Variants in ARB2A observed in about 807,000 individuals in gnomAD.
ARB2A encodes cotranscriptional regulator ARB2A.
chr5:93,898,609 C>T, the ARB2A span, among the ~76,000 whole-genome samples: 3 of 152,026 alleles, frequency 2.0e-5, no homozygotes, highest in African/African-American at 7.2e-5. Context: ...TCGAAATCAA[C>T]CAAATTGCTA....
chr5:93,653,424 A>G, the ARB2A span, among the ~76,000 whole-genome samples: 2 of 141,344 alleles, frequency 1.4e-5, no homozygotes, highest in African/African-American at 5.2e-5. Flanking sequence ...AGGCAGGAGA[A>G]TGGCATGAAC....
chr5:94,075,986 A>G, the ARB2A span, among the ~76,000 whole-genome samples: 1 of 152,152 alleles, frequency 6.6e-6, no homozygotes, highest in African/African-American at 2.4e-5. Context: ...AATGATAATC[A>G]TGTTTCCCTC....
chr5:93,683,812 G>T, the ARB2A span: 1 of 992,862 alleles, frequency 1.0e-6, no homozygotes, highest in Non-Finnish European at 1.5e-6. Context: ...ATCACACCAG[G>T]CAAAAAGTTT....
At chr5:94,065,617 TAA>T in the ARB2A span, among the ~76,000 whole-genome samples, 2 of 151,904 alleles carry the variant, frequency 1.3e-5, no homozygotes, top group Non-Finnish European at 2.9e-5. Context: ...TCAAAAGCAG[TAA>T]AAAGAGACTA....
chr5:93,883,369 C>T, the ARB2A span, among the ~76,000 whole-genome samples: 4 of 151,156 alleles, frequency 2.6e-5, no homozygotes, highest in East Asian at 7.8e-4. Flanking sequence ...AAACACTTTA[C>T]ACATTCTGTA....
At chr5:93,906,743 C>G in the ARB2A span, among the ~76,000 whole-genome samples, 3 of 151,290 alleles carry the variant, frequency 2.0e-5, no homozygotes, top group Non-Finnish European at 3.0e-5. Context: ...AATCTGGTAC[C>G]CTACTTTCTG....
chr5:93,721,263 T>G, the ARB2A span, among the ~76,000 whole-genome samples: 1 of 152,092 alleles, frequency 6.6e-6, no homozygotes, highest in Non-Finnish European at 1.5e-5. Context: ...AAACCATAAG[T>G]GTTACAGGCT....
chr5:93,863,076 T>TC, the ARB2A span: 1 of 152,016 alleles, frequency 6.6e-6, no homozygotes, highest in Non-Finnish European at 1.5e-5. Flanking sequence ...GCCCCTTGCC[T>TC]CGTGGGCTCT....
chr5:93,977,209 C>G, the ARB2A span, among the ~76,000 whole-genome samples: 1 of 151,848 alleles, frequency 6.6e-6, no homozygotes, highest in Non-Finnish European at 1.5e-5. Flanking sequence ...ATATTCCTAT[C>G]AAATTACCAA....
the ARB2A span, among the ~76,000 whole-genome samples, chr5:93,672,498 C>T: frequency 2.0e-5 from 3 of 151,864 alleles, no homozygotes; most frequent in East Asian, 5.8e-4. Flanking sequence ...TTAGTAGAGA[C>T]GGGGTTTCAC....
At chr5:94,050,459 T>C in the ARB2A span, among the ~76,000 whole-genome samples, 1 of 152,004 alleles carries the variant, frequency 6.6e-6, no homozygotes, top group Non-Finnish European at 1.5e-5. Flanking sequence ...TTCACCATGT[T>C]AGCCAGGCTG....
chr5:93,755,361 G>A, the ARB2A span, among the ~76,000 whole-genome samples: 1 of 152,206 alleles, frequency 6.6e-6, no homozygotes, highest in Non-Finnish European at 1.5e-5. Context: ...GTGAGAATTG[G>A]TCTTTAGAGG....
the ARB2A span, among the ~76,000 whole-genome samples, chr5:93,937,950 A>C: frequency 6.6e-6 from 1 of 152,204 alleles, no homozygotes; most frequent in Non-Finnish European, 1.5e-5. Flanking sequence ...TCATTTAAAA[A>C]AATTTTTTTT....
At chr5:93,712,866 C>A in the ARB2A span, among the ~76,000 whole-genome samples, 5 of 151,982 alleles carry the variant, frequency 3.3e-5, no homozygotes, top group African/African-American at 9.7e-5. Flanking sequence ...ACACATAGAC[C>A]AATGGAACAG....
At chr5:93,683,726 G>A in the ARB2A span, 1 of 1,609,530 alleles carries the variant, frequency 6.2e-7, no homozygotes, top group South Asian at 1.1e-5. Context: ...ATCGGGTGGC[G>A]GCACGCACTT....
At chr5:93,777,417 C>T in the ARB2A span, among the ~76,000 whole-genome samples, 605 of 152,040 alleles carry the variant, frequency 4.0e-3, 6 homozygotes, top group Non-Finnish European at 5.1e-3. Flanking sequence ...TGTAAGGTAA[C>T]GATTTACAAT....
At chr5:93,658,973 T>C in the ARB2A span, among the ~76,000 whole-genome samples, 1 of 150,448 alleles carries the variant, frequency 6.6e-6, no homozygotes, top group Admixed American at 6.6e-5. Flanking sequence ...GGGGTGGGGA[T>C]AACTAAGATA....
At chr5:94,051,168 G>A in the ARB2A span, among the ~76,000 whole-genome samples, 1 of 152,198 alleles carries the variant, frequency 6.6e-6, no homozygotes, top group South Asian at 2.1e-4. Context: ...GGTTACCTGA[G>A]GAGTAAAAGC....
the ARB2A span, among the ~76,000 whole-genome samples, chr5:94,072,148 T>C: frequency 6.6e-6 from 1 of 152,128 alleles, no homozygotes; most frequent in Admixed American, 6.5e-5. Flanking sequence ...TCCATTTCTA[T>C]AACATCTATA....
Sources: gnomAD v4.1 joint callset for allele counts (sites outside exome capture counted in the v4.1 genomes callset) on GRCh38, gnomAD v4.1.1 for gene constraint, MANE v1.5 for transcripts, NCBI Gene and HGNC (gene_info 2026-07-23, HGNC 2026-07-21) for gene names.